The following FMO4 variants were observed in gnomAD, a reference collection of about 807,000 sequenced individuals.
FMO4 encodes the protein dimethylaniline monooxygenase [N-oxide-forming] 4.
A neutral mutation model predicts 43.3 loss-of-function variants in FMO4; 38 were observed. The observed-to-expected ratio is 0.88, with a 90% CI of 0.68 to 1.15. FMO4 has a LOEUF of 1.15. Among genes scored for constraint, FMO4 ranks in the 50% most tolerant of loss-of-function variants. The probability of loss-of-function intolerance (pLI) is 0.00; values close to 1 mark genes in which losing one functional copy is unlikely to be tolerated. For synonymous variants in FMO4, 224 were observed against 232.2 expected, an observed-to-expected ratio of 0.96 and a Z score of 0.32; for missense variants, 631 against 663.3, an observed-to-expected ratio of 0.95 and a Z score of 0.54.
intron 7 of FMO4, chr1:171,333,237 T>G (rs1016289498): frequency 1.2e-5 from 3 of 251,150 alleles, no homozygotes; most frequent in African/African-American, 7.0e-5. Flanking sequence ...TTTTTGTTCT[T>G]GTTGAGACAG....
At chr1:171,321,059 A>AAT (rs1553251924) in intron 3 of FMO4, among the ~76,000 whole-genome samples, 3 of 151,992 alleles carry the variant, frequency 2.0e-5, no homozygotes, top group African/African-American at 7.3e-5. Flanking sequence ...GAAAAAAAAA[A>AAT]TGGTATATTG....
At chr1:171,321,308 T>C (rs557284092) in intron 3 of FMO4, among the ~76,000 whole-genome samples, 1 of 152,292 alleles carries the variant, frequency 6.6e-6, no homozygotes, top group African/African-American at 2.4e-5. Context: ...GTAATTTCTC[T>C]CAGTCATATA....
At position 171,319,010 on chromosome 1, in the gene FMO4, A is replaced by C. The variant is rs1662302895; in HGVS notation, c.-8-808A>C. The stretch of plus-strand genomic sequence containing the variant: ...GTCATAAAATTAATGCTCTTTTAGC[A>C]GTTGCTATTTACAGACAGCTAAGTA... On this transcript the variant is annotated intron_variant, in intron 2 of 9. Transcript: ENST00000367749. 2.0e-5 allele frequency among the ~76,000 whole-genome samples: 3 copies of C among 152,298 alleles called. No individual in the cohort carries two copies. The South Asian group carries it at 6.2e-4, about 32-fold the overall frequency.
chr1:171,315,064 G>T (rs1039760130), intron 1 of FMO4, among the ~76,000 whole-genome samples: 1 of 152,140 alleles, frequency 6.6e-6, no homozygotes, highest in Non-Finnish European at 1.5e-5. Context: ...AGCCGAGGAG[G>T]GCAGACCACT....
chr1:171,334,627 G>A lies in FMO4; in HGVS notation c.1044G>A (p.Lys348=). The A allele has an allele frequency of 1.2e-6, 2 of 1,613,318 alleles. No homozygotes were observed. The highest frequency in any genetic ancestry group is 2.2e-5 in the South Asian group (2 of 91,058). The change falls in exon 8 of 10, where the codon AAG becomes AAA. Residue 348 remains lysine (K), a synonymous_variant. Transcript: ENST00000367749. ...EEPLKSLCTK[K]IFLYKQVFPL... Reference sequence around the variant, plus strand: ...CTCTTAAAAGCCTCTGTACAAAGAAGATATTTCTATACAAGCAAGTCTTTC... The same window carrying A: ...CTCTTAAAAGCCTCTGTACAAAGAAAATATTTCTATACAAGCAAGTCTTTC...
At chr1:171,316,058 C>A (rs560263313) in intron 1 of FMO4, 128 bp from the exon 2 acceptor site, 1 of 152,262 alleles carries the variant, frequency 6.6e-6, no homozygotes, top group East Asian at 1.9e-4. Context: ...TAGCTTAGGA[C>A]CTGCACTTAG....
At chr1:171,336,863 A>G (rs1571412150) in intron 8 of FMO4, among the ~76,000 whole-genome samples, 1 of 151,898 alleles carries the variant, frequency 6.6e-6, no homozygotes, top group East Asian at 1.9e-4. Context: ...TGCCCTCCCA[A>G]CGTGCTGGGG....
At chr1:171,337,466 T>C in intron 9 of FMO4, 41 bp downstream of exon 9, 3 of 1,337,584 alleles carry the variant, frequency 2.2e-6, no homozygotes, top group Non-Finnish European at 3.2e-6. Context: ...TTACAGTATA[T>C]TCTGTTACAA....
intron 9 of FMO4, among the ~76,000 whole-genome samples, 164 bp from the exon 10 acceptor site, chr1:171,341,249 C>T (rs982442311): frequency 6.6e-6 from 1 of 152,166 alleles, no homozygotes; most frequent in African/African-American, 2.4e-5. Flanking sequence ...TGTAGATAAA[C>T]TCCTTTAATT....
chr1:171,321,211 C>A lies in FMO4; in HGVS notation c.132+1254C>A, dbSNP rs534967938. The stretch of plus-strand genomic sequence containing the variant: ...ATACAGATTAAGTTTAGAAAACAAT[C>A]TTGAGGTAAACAAATAGGGAAAAAA... On this transcript the variant is annotated intron_variant, in intron 3 of 9. Coordinates refer to ENST00000367749, the MANE Select transcript of FMO4 (RefSeq NM_002022.3). Among the ~76,000 whole-genome samples the A allele has an allele frequency of 1.1e-4, 17 of 152,052 alleles. No homozygotes were observed. The South Asian group carries it at 2.3e-3, about 20-fold the overall frequency.
chr1:171,332,614 C>A, intron 6 of FMO4, 95 bp from the exon 7 acceptor site: 1 of 994,504 alleles, frequency 1.0e-6, no homozygotes, highest in South Asian at 1.5e-5. Flanking sequence ...TGTTAAAAGA[C>A]CAGACTGGAA....
chr1:171,341,310 C>A, intron 9 of FMO4, 103 bp from the exon 10 acceptor site: 1 of 828,880 alleles, frequency 1.2e-6, no homozygotes, highest in Non-Finnish European at 1.9e-6. Context: ...TGATTTCCCC[C>A]AAAAAATGTA....
intron 8 of FMO4, among the ~76,000 whole-genome samples, chr1:171,336,005 G>A (rs1663099259): frequency 1.3e-5 from 2 of 152,144 alleles, no homozygotes; most frequent in South Asian, 2.1e-4. Context: ...CACCATAGGA[G>A]TAATGGCATG....
rs1662958241 is a variant in FMO4 at position 171,332,800 on chromosome 1, G to T, written c.719G>T (p.Cys240Phe). The T allele has an allele frequency of 1.9e-6, 3 of 1,613,284 alleles. 1 individual carries two copies. The South Asian group carries it at 3.3e-5, about 18-fold the overall frequency. ...PYNMMVTRRC[C>F]SFIAQVLPSR... is the part of the protein sequence containing the mutation. ...AATATGATGGTTACAAGAAGATGCT[G>T]TAGTTTTATTGCACAAGTTCTGCCT... is the stretch of plus-strand genomic sequence containing the variant. Residue 240 changes from cysteine (C) to phenylalanine (F), a missense_variant, in exon 7 of 10, where the codon TGT becomes TTT. Transcript: ENST00000367749.
At chr1:171,318,209 T>C (rs963017596) in intron 2 of FMO4, among the ~76,000 whole-genome samples, 8 of 151,958 alleles carry the variant, frequency 5.3e-5, no homozygotes, top group African/African-American at 1.9e-4. Flanking sequence ...CCCAGCTACT[T>C]GGGAGGCTGA....
intron 8 of FMO4, among the ~76,000 whole-genome samples, chr1:171,335,818 TA>T (rs1388382442): frequency 6.6e-6 from 1 of 152,200 alleles, no homozygotes; most frequent in East Asian, 1.9e-4. Flanking sequence ...AACCCTGCAG[TA>T]AATTACCACA....
At chr1:171,338,064 A>G (rs1663194589) in intron 9 of FMO4, among the ~76,000 whole-genome samples, 3 of 152,002 alleles carry the variant, frequency 2.0e-5, no homozygotes, top group Admixed American at 2.0e-4. Flanking sequence ...CTGATCTGAA[A>G]CTTTTCCCCA....
chr1:171,339,128 C>T (rs1663247677), intron 9 of FMO4, among the ~76,000 whole-genome samples: 1 of 151,964 alleles, frequency 6.6e-6, no homozygotes. Context: ...AAGTTCAGTC[C>T]ACGTACACCA....
At position 171,324,240 on chromosome 1, in the gene FMO4, G is replaced by A; in HGVS notation, c.424G>A (p.Ala142Thr). Residue 142 changes from alanine (A) to threonine (T), a missense_variant, in exon 5 of 10, where the codon GCT becomes ACT. Ala to Thr is a moderately conservative substitution (Grantham distance 58). Coordinates refer to ENST00000367749, the MANE Select transcript of FMO4 (RefSeq NM_002022.3). ...EGKQNRAVFD[A>T]VMVCTGHFLN... ...CAAGCAAAATAGAGCTGTCTTTGAT[G>A]CTGTTATGGTTTGCACTGGACATTT... 6.2e-7 allele frequency: 1 copy of A among 1,613,634 alleles called. No homozygotes were observed. Among genetic ancestry groups the A allele is most frequent in the East Asian group, 2.2e-5 (1 of 44,838 alleles).
Sources: gnomAD v4.1 joint callset for allele counts (sites outside exome capture counted in the v4.1 genomes callset) on GRCh38, gnomAD v4.1.1 for gene constraint, MANE v1.5 for transcripts, NCBI Gene and HGNC (gene_info 2026-07-23, HGNC 2026-07-21) for gene names.